Variants in FARS2 observed in about 807,000 individuals in gnomAD.
FARS2 encodes phenylalanyl-tRNA synthetase 2, mitochondrial.
In FARS2, 40 loss-of-function variants were observed where a neutral mutation model predicts 46.4. That is an observed-to-expected ratio of 0.86 (90% CI 0.67 to 1.12). FARS2 has a LOEUF of 1.12. Ranked by LOEUF, FARS2 falls within the 50% of genes most tolerant of loss-of-function variation. The pLI is 0.00. For missense variants in FARS2, 513 were observed against 567.9 expected (o/e 0.90, Z 0.98); for synonymous variants, 234 against 214.9 (o/e 1.09, Z -0.78).
chr6:5,565,250 A>G (rs1772258099), intron 5 of FARS2, among the ~76,000 whole-genome samples: 1 of 152,246 alleles, frequency 6.6e-6, no homozygotes. Flanking sequence ...AAGGATCAGC[A>G]GTATTCCAAG....
chr6:5,609,302 A>G, intron 5 of FARS2: 3 of 1,099,790 alleles, frequency 2.7e-6, no homozygotes, highest in African/African-American at 1.5e-5. Flanking sequence ...ATGGTTTGGC[A>G]AAGTATTGGC....
At chr6:5,712,347 C>G (rs939029153) in intron 6 of FARS2, among the ~76,000 whole-genome samples, 1 of 152,178 alleles carries the variant, frequency 6.6e-6, no homozygotes, top group African/African-American at 2.4e-5. Context: ...TGAGCTATCC[C>G]TTGAGATAAG....
At chr6:5,486,280 G>A (rs779154606) in intron 4 of FARS2, among the ~76,000 whole-genome samples, 2 of 152,128 alleles carry the variant, frequency 1.3e-5, no homozygotes, top group East Asian at 1.9e-4. Context: ...AGGACACCTG[G>A]GAAGTCAGAG....
intron 6 of FARS2, among the ~76,000 whole-genome samples, chr6:5,756,216 G>A (rs1049863336): frequency 1.3e-5 from 2 of 152,098 alleles, no homozygotes; most frequent in African/African-American, 4.8e-5. Flanking sequence ...TTACTGCTGT[G>A]GTTTGTGTTA....
chr6:5,624,593 C>T (rs1377664234), intron 6 of FARS2, among the ~76,000 whole-genome samples: 2 of 152,238 alleles, frequency 1.3e-5, no homozygotes, highest in Non-Finnish European at 2.9e-5. Flanking sequence ...TAGCGGTTTT[C>T]AGCGAGTCTT....
chr6:5,355,085 A>C (rs1757830073), intron 1 of FARS2, among the ~76,000 whole-genome samples: 1 of 152,128 alleles, frequency 6.6e-6, no homozygotes, highest in African/African-American at 2.4e-5. Flanking sequence ...GTCCTTACTA[A>C]GTAATTATTT....
chr6:5,532,589 A>C (rs995434768), intron 4 of FARS2, among the ~76,000 whole-genome samples: 3 of 152,146 alleles, frequency 2.0e-5, no homozygotes, highest in African/African-American at 7.2e-5. Flanking sequence ...GTCTCTACCA[A>C]AAATACAAAA....
intron 6 of FARS2, among the ~76,000 whole-genome samples, chr6:5,679,218 T>C (rs1000793649): frequency 6.6e-6 from 1 of 152,188 alleles, no homozygotes; most frequent in Non-Finnish European, 1.5e-5. Flanking sequence ...TCCTTCAGGC[T>C]ATGCTTTCTA....
At chr6:5,529,379 C>T (rs139838279) in intron 4 of FARS2, among the ~76,000 whole-genome samples, 8 of 152,290 alleles carry the variant, frequency 5.3e-5, no homozygotes, top group Admixed American at 1.3e-4. Flanking sequence ...ACAATCTCGG[C>T]GCACTGCAAC....
chr6:5,565,101 G>C (rs1350073947), intron 5 of FARS2, among the ~76,000 whole-genome samples: 22 of 152,214 alleles, frequency 1.4e-4, no homozygotes, highest in Admixed American at 1.4e-3. Context: ...AGTACTCACA[G>C]ATAGTTTCCA....
rs139377561 is a variant in FARS2, at chr6:5,725,804, G to T, written c.1218-45487G>T. Reference sequence around the variant, plus strand: ...TACAAAAATTAGCTGGGCGTGGCGCGCACACCTGTAATCCCAGCTACTCGG... The same window carrying T: ...TACAAAAATTAGCTGGGCGTGGCGCTCACACCTGTAATCCCAGCTACTCGG... On this transcript the variant is annotated intron_variant, in intron 6 of 6. Transcript: ENST00000274680. 9.2e-5 allele frequency among the ~76,000 whole-genome samples: 14 copies of T among 152,162 alleles called. No homozygotes were observed. In the East Asian group the frequency reaches 1.5e-3, roughly 17 times the overall value.
intron 6 of FARS2, among the ~76,000 whole-genome samples, chr6:5,647,082 G>A (rs1249827396): frequency 2.6e-5 from 4 of 152,122 alleles, no homozygotes; most frequent in African/African-American, 7.2e-5. Flanking sequence ...TGTATTTTTG[G>A]TTTTGTTTTT....
chr6:5,454,197 A>ATTTT (rs34688392), intron 4 of FARS2, among the ~76,000 whole-genome samples: 4,629 of 144,060 alleles, frequency 0.032, 128 homozygotes, highest in African/African-American at 0.036. Context: ...TTCTCCCTCC[A>ATTTT]TTTTTTTTTT....
intron 1 of FARS2, among the ~76,000 whole-genome samples, chr6:5,285,826 A>G (rs1561932175): frequency 6.6e-6 from 1 of 152,238 alleles, no homozygotes. Context: ...GCCTCGCGGC[A>G]TTCCCTGGAA....
At chr6:5,620,494 A>G (rs1406303818) in intron 6 of FARS2, among the ~76,000 whole-genome samples, 1 of 152,176 alleles carries the variant, frequency 6.6e-6, no homozygotes, top group African/African-American at 2.4e-5. Context: ...CAAATTAACC[A>G]GGCTTTGGAA....
chr6:5,351,758 GT>G (rs1226923433), intron 1 of FARS2, among the ~76,000 whole-genome samples: 1 of 152,084 alleles, frequency 6.6e-6, no homozygotes, highest in Non-Finnish European at 1.5e-5. Context: ...ATTTTTAGCT[GT>G]TTTATCTGTA....
chr6:5,387,610 C>G (rs557173105), intron 2 of FARS2, among the ~76,000 whole-genome samples: 3 of 152,196 alleles, frequency 2.0e-5, no homozygotes, highest in Non-Finnish European at 2.9e-5. Context: ...TGGTTCTTGA[C>G]TCGGCATGTG....
chr6:5,701,997 T>C (rs780865999), intron 6 of FARS2, among the ~76,000 whole-genome samples: 1 of 152,188 alleles, frequency 6.6e-6, no homozygotes, highest in Non-Finnish European at 1.5e-5. Context: ...CTTACAGATG[T>C]GTTCTCATGA....
chr6:5,635,412 G>GA (rs1354956554), intron 6 of FARS2, among the ~76,000 whole-genome samples: 6 of 150,636 alleles, frequency 4.0e-5, no homozygotes, highest in Non-Finnish European at 5.9e-5. Flanking sequence ...GTTTTTGATA[G>GA]AAAAAAGAGG....
Sources: allele counts gnomAD v4.1 joint callset (sites outside exome capture counted in the v4.1 genomes callset), GRCh38; gene constraint gnomAD v4.1.1; transcripts MANE v1.5; gene names NCBI Gene and HGNC (gene_info 2026-07-23, HGNC 2026-07-21).